RALGAPA1: variants seen among roughly 807,000 people sequenced by gnomAD.
The protein encoded by RALGAPA1 is ral GTPase-activating protein subunit alpha-1.
RALGAPA1 carries 52 observed loss-of-function variants against 269.6 expected under a neutral mutation model. The ratio of observed to expected loss-of-function variants is 0.19; its 90% CI spans 0.15 to 0.24. The LOEUF (loss-of-function observed/expected upper bound fraction) is 0.24. Among genes scored for constraint, RALGAPA1 ranks in the 10% least tolerant of loss-of-function variants. RALGAPA1 has a pLI of 1.00. For synonymous variants in RALGAPA1, 817 were observed against 1,008.3 expected, an observed-to-expected ratio of 0.81 and a Z score of 3.60; for missense variants, 1,917 against 3,013.9, an observed-to-expected ratio of 0.64 and a Z score of 8.52.
chr14:35,561,273 G>A (rs2056207868), intron 39 of RALGAPA1, among the ~76,000 whole-genome samples: 1 of 145,228 alleles, frequency 6.9e-6, no homozygotes, highest in Non-Finnish European at 1.5e-5. Context: ...TCATCAACAG[G>A]CATATACTGC....
intron 16 of RALGAPA1, among the ~76,000 whole-genome samples, chr14:35,716,478 G>A (rs975358614): frequency 1.3e-5 from 2 of 150,950 alleles, no homozygotes; most frequent in Non-Finnish European, 2.9e-5. Context: ...TCATCTACAG[G>A]TAAGATCATC....
intron 1 of RALGAPA1, among the ~76,000 whole-genome samples, chr14:35,780,386 C>T (rs1017502925): frequency 6.6e-6 from 1 of 152,186 alleles, no homozygotes; most frequent in Admixed American, 6.5e-5. Context: ...TAACAGACAT[C>T]TATCGAATGC....
Position 35,654,488 on chromosome 14 carries a change from A to G in RALGAPA1, c.5497-11T>C. 3 of 1,532,102 alleles carry G rather than the reference A, an allele frequency of 2.0e-6. No homozygotes were observed. The highest frequency in any genetic ancestry group is 2.6e-6 in the Non-Finnish European group (3 of 1,142,802). 94.9% of individuals were successfully genotyped at this position (1,532,102 alleles called of 1,614,324 possible). A position where few individuals can be genotyped will look rare whatever the true frequency, so the allele number is the denominator to read the frequency against. On this transcript the variant is annotated splice_polypyrimidine_tract_variant and intron_variant, in intron 29 of 41. Transcript: ENST00000680220. ...TGTTTTATTAGTAAACTGCAATAAT[A>G]AAAAAAAAGTTTTAAAAATTTTCAT...
At chr14:35,750,398 C>T (rs1595423857) in intron 9 of RALGAPA1, 84 bp downstream of exon 9, 1 of 884,514 alleles carries the variant, frequency 1.1e-6, no homozygotes. Flanking sequence ...TAAGTGTACG[C>T]TCCACCTAAG....
At chr14:35,639,533 T>C (rs751944452) in intron 31 of RALGAPA1, among the ~76,000 whole-genome samples, 2 of 152,202 alleles carry the variant, frequency 1.3e-5, no homozygotes, top group Non-Finnish European at 2.9e-5. Flanking sequence ...AAAATAAGTC[T>C]TAACATATTT....
chr14:35,742,339 A>G (rs2071637827), intron 11 of RALGAPA1, 29 bp downstream of exon 11: 1 of 1,473,962 alleles, frequency 6.8e-7, no homozygotes, highest in African/African-American at 1.4e-5. Context: ...TTAGACTAAC[A>G]CTAAAATATA....
At chr14:35,607,396 C>A (rs1373354730) in intron 35 of RALGAPA1, among the ~76,000 whole-genome samples, 2 of 152,184 alleles carry the variant, frequency 1.3e-5, no homozygotes, top group South Asian at 2.1e-4. Flanking sequence ...TCTCTAGCCC[C>A]ATGTTACAGA....
chr14:35,570,262 C>A (rs2057070960), intron 39 of RALGAPA1, among the ~76,000 whole-genome samples: 1 of 144,006 alleles, frequency 6.9e-6, no homozygotes, highest in Non-Finnish European at 1.5e-5. Context: ...AAAAGTGAGA[C>A]TCCATCTCAA....
intron 39 of RALGAPA1, among the ~76,000 whole-genome samples, chr14:35,559,975 A>G (rs2056036650): frequency 6.6e-6 from 1 of 152,246 alleles, no homozygotes. Context: ...TCAAACATTT[A>G]GAGATCTTAG....
At chr14:35,779,329 C>T (rs1340685870) in intron 1 of RALGAPA1, among the ~76,000 whole-genome samples, 1 of 151,954 alleles carries the variant, frequency 6.6e-6, no homozygotes, top group Admixed American at 6.6e-5. Context: ...AGTTTGAGAT[C>T]AGCCTGGGCA....
chr14:35,677,984 G>A lies in RALGAPA1; in HGVS notation c.4590C>T (p.Leu1530=). The A allele has an allele frequency of 1.2e-6, 2 of 1,613,516 alleles. No homozygotes were observed. Among genetic ancestry groups the A allele is most frequent in the Non-Finnish European group, 1.7e-6 (2 of 1,179,834 alleles). ...EQKDLQLDEK[L]HHSVLQTPDD... ...CTGGTGTCTGAAGAACAGAGTGGTG[G>A]AGCTTCTCGTCGAGCTGCAGATCCT... is the stretch of plus-strand genomic sequence containing the variant. The change falls in exon 22 of 42, where the codon CTC becomes CTT. Residue 1530 remains leucine (L), a synonymous_variant. Transcript: ENST00000680220.
Position 35,672,861 on chromosome 14 carries a change from A to G in RALGAPA1, c.5073+6T>C, listed in dbSNP as rs752950294. ...CTTCTTAGATGATACATATATATATAGTTACCTGGTCAATATGAAGTAATC... is the reference window on the plus strand; with the variant it reads ...CTTCTTAGATGATACATATATATATGGTTACCTGGTCAATATGAAGTAATC... On this transcript the variant is annotated splice_donor_region_variant and intron_variant, in intron 25 of 41. Coordinates refer to ENST00000680220, the MANE Select transcript of RALGAPA1 (RefSeq NM_001346249.2). 2.0e-6 allele frequency: 3 copies of G among 1,523,126 alleles called. No individual in the cohort carries two copies. The highest frequency in any genetic ancestry group is 2.3e-5 in the Admixed American group (1 of 43,752). The allele number at this position is 1,523,126 out of a possible 1,614,324, so 94.4% of individuals were successfully genotyped here.
intron 37 of RALGAPA1, among the ~76,000 whole-genome samples, chr14:35,573,848 A>C (rs1371281019): frequency 6.6e-6 from 1 of 152,182 alleles, no homozygotes; most frequent in Non-Finnish European, 1.5e-5. Context: ...TTTTTTAATC[A>C]AAATACTTTA....
At chr14:35,663,031 A>G (rs993197331) in intron 27 of RALGAPA1, among the ~76,000 whole-genome samples, 9 of 151,972 alleles carry the variant, frequency 5.9e-5, no homozygotes, top group Non-Finnish European at 2.9e-5. Flanking sequence ...TCAGCCTCCC[A>G]GTAGCTGGGA....
chr14:35,803,578 A>C (rs2077131529), intron 1 of RALGAPA1, among the ~76,000 whole-genome samples: 1 of 152,208 alleles, frequency 6.6e-6, no homozygotes, highest in Non-Finnish European at 1.5e-5. Context: ...TGGGGAAAAA[A>C]AAATCTTTGC....
intron 12 of RALGAPA1, among the ~76,000 whole-genome samples, chr14:35,735,525 T>C (rs1212037997): frequency 6.6e-6 from 1 of 152,052 alleles, no homozygotes; most frequent in Non-Finnish European, 1.5e-5. Flanking sequence ...CACAAAGGCA[T>C]GAGAATGATA....
Position 35,728,473 on chromosome 14 carries a change from T to G in RALGAPA1, c.1625A>C (p.Glu542Ala). 6.2e-7 allele frequency: 1 copy of G among 1,607,096 alleles called. No homozygotes were observed. The highest frequency in any genetic ancestry group is 1.3e-5 in the African/African-American group (1 of 74,620). Residue 542 changes from glutamate to alanine, a missense_variant, in exon 13 of 42, where the codon GAA becomes GCA. Coordinates refer to ENST00000680220, the MANE Select transcript of RALGAPA1 (RefSeq NM_001346249.2). Reference sequence around the variant, plus strand: ...AAGATTTTTTATTTCATTTGCAGGTTCAAGAAGAAATATATTTGATGAGTT... The same window carrying G: ...AAGATTTTTTATTTCATTTGCAGGTGCAAGAAGAAATATATTTGATGAGTT... ...IINSSNIFLL[E>A]PANEIKNLLD...
chr14:35,733,205 C>T (rs1216081465), intron 12 of RALGAPA1, among the ~76,000 whole-genome samples: 6 of 152,046 alleles, frequency 3.9e-5, no homozygotes, highest in African/African-American at 1.2e-4. Context: ...TGGCTGGGCA[C>T]GGTGGCTCAC....
intron 29 of RALGAPA1, among the ~76,000 whole-genome samples, chr14:35,654,745 T>G (rs1215016359): frequency 6.6e-6 from 1 of 152,232 alleles, no homozygotes; most frequent in East Asian, 1.9e-4. Flanking sequence ...CAGTGGCCTC[T>G]AAACCACTAT....
Sources: gnomAD v4.1 joint callset for allele counts (sites outside exome capture counted in the v4.1 genomes callset) on GRCh38, gnomAD v4.1.1 for gene constraint, MANE v1.5 for transcripts, NCBI Gene and HGNC (gene_info 2026-07-23, HGNC 2026-07-21) for gene names.